DOCK3: variants seen among roughly 807,000 people sequenced by gnomAD.
DOCK3 encodes the protein dedicator of cytokinesis protein 3.
In DOCK3, 60 loss-of-function variants were observed where a neutral mutation model predicts 265.6. The ratio of observed to expected loss-of-function variants is 0.23; its 90% CI spans 0.18 to 0.28. The LOEUF is 0.28. Among genes scored for constraint, DOCK3 ranks in the 10% least tolerant of loss-of-function variants. The pLI is 1.00. For missense variants in DOCK3, 1,981 were observed against 2,594.3 expected (o/e 0.76, Z 5.14); for synonymous variants, 881 against 938.0 (o/e 0.94, Z 1.11).
Position 50,920,453 on chromosome 3 carries a change from A to T in DOCK3, c.219-13528A>T, listed in dbSNP as rs143969310. ...CTATTATTGGTCTATTCAGGGATTC[A>T]CCTTCTTCCTGGTTTAGTCTTGGGA... On this transcript the variant is annotated intron_variant, in intron 4 of 52. Coordinates refer to ENST00000266037, the MANE Select transcript of DOCK3 (RefSeq NM_004947.5). Among the ~76,000 whole-genome samples, 31 of 152,136 alleles carry T rather than the reference A, an allele frequency of 2.0e-4. No individual in the cohort carries two copies. In the East Asian group the frequency reaches 5.2e-3, roughly 26 times the overall value.
At chr3:50,958,695 G>A (rs896373789) in intron 5 of DOCK3, among the ~76,000 whole-genome samples, 1 of 152,146 alleles carries the variant, frequency 6.6e-6, no homozygotes, top group African/African-American at 2.4e-5. Flanking sequence ...TACATTACAA[G>A]GTTGCTCCAC....
In DOCK3 at chr3:50,744,939, G is replaced by A. The variant is rs77291286; in HGVS notation, c.38-33736G>A. On this transcript the variant is annotated intron_variant, in intron 1 of 52. Transcript: ENST00000266037. Reference sequence around the variant, plus strand: ...GATCTATATGTCTACCCTTATGTTAGTATCACAGTATTTTGATGACTACAA... The same window carrying A: ...GATCTATATGTCTACCCTTATGTTAATATCACAGTATTTTGATGACTACAA... Among the ~76,000 whole-genome samples the A allele has an allele frequency of 5.7e-4, 87 of 152,126 alleles. 3 individuals carry two copies. In the East Asian group the frequency reaches 0.016, roughly 29 times the overall value.
At chr3:51,249,614 C>T (rs2079078235) in intron 22 of DOCK3, among the ~76,000 whole-genome samples, 1 of 116,588 alleles carries the variant, frequency 8.6e-6, no homozygotes, top group African/African-American at 3.3e-5. Context: ...GGGTCAGCCC[C>T]CCGCCCGGCC....
At chr3:50,760,843 G>C (rs148996405) in intron 1 of DOCK3, among the ~76,000 whole-genome samples, 1,997 of 150,840 alleles carry the variant, frequency 0.013, 39 homozygotes, top group Non-Finnish European at 0.016. Context: ...GTGCAATGGC[G>C]TGATCTCGGC....
At chr3:51,141,663 T>C (rs1241185951) in intron 9 of DOCK3, among the ~76,000 whole-genome samples, 1 of 152,156 alleles carries the variant, frequency 6.6e-6, no homozygotes, top group Non-Finnish European at 1.5e-5. Flanking sequence ...AAAGATATGA[T>C]CTGATTCGTA....
At chr3:50,761,441 A>G (rs1389861005) in intron 1 of DOCK3, among the ~76,000 whole-genome samples, 1 of 152,168 alleles carries the variant, frequency 6.6e-6, no homozygotes, top group Non-Finnish European at 1.5e-5. Flanking sequence ...GCTGCTTTGA[A>G]AGTGGGCTGC....
intron 4 of DOCK3, chr3:50,900,899 A>T: frequency 2.3e-6 from 1 of 431,272 alleles, no homozygotes; most frequent in Admixed American, 2.6e-5. Flanking sequence ...CTCCTGTATG[A>T]GGTGTCTGTC....
chr3:50,714,545 G>A (rs1576202470), intron 1 of DOCK3, among the ~76,000 whole-genome samples: 1 of 152,178 alleles, frequency 6.6e-6, no homozygotes, highest in East Asian at 1.9e-4. Context: ...GCTGTGGTGT[G>A]ATCATGGCTC....
intron 1 of DOCK3, among the ~76,000 whole-genome samples, chr3:50,679,498 T>G (rs780157259): frequency 6.6e-6 from 1 of 151,622 alleles, no homozygotes; most frequent in Non-Finnish European, 1.5e-5. Flanking sequence ...GAAAAGCACT[T>G]AAAAACAAAC....
At chr3:50,863,158 G>T (rs998848354) in intron 3 of DOCK3, among the ~76,000 whole-genome samples, 1 of 152,084 alleles carries the variant, frequency 6.6e-6, no homozygotes, top group Non-Finnish European at 1.5e-5. Flanking sequence ...AGCTTCCCAG[G>T]GACTTGATGG....
At chr3:51,235,407 A>G (rs887412756) in intron 19 of DOCK3, among the ~76,000 whole-genome samples, 8 of 152,238 alleles carry the variant, frequency 5.3e-5, no homozygotes, top group African/African-American at 1.9e-4. Context: ...TTTAGCATCA[A>G]TAATTTGTCT....
intron 9 of DOCK3, among the ~76,000 whole-genome samples, chr3:51,117,858 C>T (rs2083811447): frequency 6.6e-6 from 1 of 152,030 alleles, no homozygotes; most frequent in Non-Finnish European, 1.5e-5. Flanking sequence ...CTCTTTTATT[C>T]TTTATGAGTC....
chr3:50,688,894 A>G (rs2035024918), intron 1 of DOCK3, among the ~76,000 whole-genome samples: 1 of 152,016 alleles, frequency 6.6e-6, no homozygotes, highest in Admixed American at 6.6e-5. Flanking sequence ...TTTTTTACTC[A>G]TTTTGCCTAG....
At chr3:50,864,884 C>T (rs753204290) in intron 3 of DOCK3, among the ~76,000 whole-genome samples, 52 of 151,686 alleles carry the variant, frequency 3.4e-4, no homozygotes, top group Non-Finnish European at 5.6e-4. Flanking sequence ...ATGATGCGTC[C>T]AGGCTTGGTT....
At chr3:51,190,232 G>A (rs2087864563) in intron 12 of DOCK3, among the ~76,000 whole-genome samples, 1 of 152,192 alleles carries the variant, frequency 6.6e-6, no homozygotes, top group Admixed American at 6.5e-5. Flanking sequence ...CTAGATTGCT[G>A]TGAATGCTAC....
At position 51,380,108 on chromosome 3, in the gene DOCK3, TTC is replaced by T. The variant is rs2088500632; in HGVS notation, c.5501-15_5501-14del. 6.2e-7 allele frequency: 1 copy of T among 1,610,702 alleles called. No homozygotes were observed. The highest frequency in any genetic ancestry group is 1.3e-5 in the African/African-American group (1 of 74,824). On this transcript the variant is annotated splice_polypyrimidine_tract_variant and intron_variant, in intron 51 of 52. Coordinates refer to ENST00000266037, the MANE Select transcript of DOCK3 (RefSeq NM_004947.5). Reference sequence around the variant, plus strand: ...GCAGGGCCCCCAGCTGAGGCTCTGGTTCTGTTCCCTTTGCAGGTCATTACTCC... The same window carrying T: ...GCAGGGCCCCCAGCTGAGGCTCTGGTTGTTCCCTTTGCAGGTCATTACTCC...
At chr3:50,717,328 GTTTT>G (rs1231311629) in intron 1 of DOCK3, among the ~76,000 whole-genome samples, 1 of 152,070 alleles carries the variant, frequency 6.6e-6, no homozygotes, top group Non-Finnish European at 1.5e-5. Context: ...GTGGTTTAAA[GTTTT>G]TTTGTTTTTC....
intron 3 of DOCK3, among the ~76,000 whole-genome samples, chr3:50,884,238 C>A (rs550897764): frequency 6.6e-6 from 1 of 152,152 alleles, no homozygotes; most frequent in Admixed American, 6.6e-5. Flanking sequence ...TTACAGGCAT[C>A]CACCACCACG....
chr3:50,983,293 A>T (rs549269825), intron 5 of DOCK3, among the ~76,000 whole-genome samples: 1 of 152,166 alleles, frequency 6.6e-6, no homozygotes, highest in South Asian at 2.1e-4. Context: ...CCTGGGTGGA[A>T]GGGGGTGGGT....
Sources: allele counts gnomAD v4.1 joint callset (sites outside exome capture counted in the v4.1 genomes callset), GRCh38; gene constraint gnomAD v4.1.1; transcripts MANE v1.5; gene names NCBI Gene and HGNC (gene_info 2026-07-23, HGNC 2026-07-21).